SEMA3D: variants seen among roughly 807,000 people sequenced by gnomAD.
SEMA3D encodes the protein semaphorin-3D.
SEMA3D carries 84 observed loss-of-function variants against 100.1 expected under a neutral mutation model. That is an observed-to-expected ratio of 0.84 (90% confidence interval 0.70 to 1.01). The LOEUF (loss-of-function observed/expected upper bound fraction) is 1.01. SEMA3D is among the 50% of genes least tolerant of loss of function. SEMA3D has a pLI of 0.00. For missense variants in SEMA3D, 875 were observed against 934.1 expected, an observed-to-expected ratio of 0.94 and a Z score of 0.82; for synonymous variants, 312 against 320.7, an observed-to-expected ratio of 0.97 and a Z score of 0.29.
At chr7:85,227,773 A>C in the SEMA3D span, among the ~76,000 whole-genome samples, 17 of 152,220 alleles carry the variant, frequency 1.1e-4, no homozygotes, top group Non-Finnish European at 1.9e-4. Context: ...TCTGTGTACT[A>C]TTTCATTTTG....
the SEMA3D span, among the ~76,000 whole-genome samples, chr7:85,214,748 G>A: frequency 6.6e-5 from 10 of 151,956 alleles, no homozygotes; most frequent in Non-Finnish European, 1.3e-4. Context: ...CACCTTCCTC[G>A]GCCTCCCAAA....
intron 2 of SEMA3D, among the ~76,000 whole-genome samples, chr7:85,131,889 C>T (rs969165560): frequency 4.0e-5 from 6 of 151,790 alleles, no homozygotes; most frequent in Non-Finnish European, 7.4e-5. Flanking sequence ...TTAACAAACT[C>T]TTTATTAATG....
intron 1 of SEMA3D, among the ~76,000 whole-genome samples, chr7:85,165,899 AGAT>A (rs1316243592): frequency 6.6e-6 from 1 of 152,100 alleles, no homozygotes; most frequent in Non-Finnish European, 1.5e-5. Context: ...TATTCAGAGA[AGAT>A]GCTAAAAACA....
chr7:85,162,181 C>T (rs1165901648), intron 1 of SEMA3D, among the ~76,000 whole-genome samples: 3 of 151,944 alleles, frequency 2.0e-5, no homozygotes, highest in African/African-American at 7.3e-5. Context: ...GGTTTCTGAG[C>T]AGCCAAAGTC....
intron 2 of SEMA3D, among the ~76,000 whole-genome samples, chr7:85,144,019 G>C (rs1790130363): frequency 6.6e-6 from 1 of 151,804 alleles, no homozygotes; most frequent in African/African-American, 2.4e-5. Flanking sequence ...CCCGAGACTT[G>C]TAATTTTAAA....
At chr7:85,017,441 A>G (rs1790136335) in intron 15 of SEMA3D, among the ~76,000 whole-genome samples, 1 of 151,780 alleles carries the variant, frequency 6.6e-6, no homozygotes, top group African/African-American at 2.4e-5. Flanking sequence ...ATGATAAGTG[A>G]ATGAACAAAT....
chr7:85,203,955 G>A, the SEMA3D span, among the ~76,000 whole-genome samples: 3 of 151,996 alleles, frequency 2.0e-5, no homozygotes, highest in Non-Finnish European at 4.4e-5. Flanking sequence ...CATATTCCAA[G>A]GTAACAAAGA....
chr7:85,197,526 T>C, the SEMA3D span, among the ~76,000 whole-genome samples: 8 of 151,974 alleles, frequency 5.3e-5, no homozygotes, highest in Admixed American at 5.2e-4. Flanking sequence ...GTATATTTCT[T>C]AAATGAATTT....
At chr7:85,051,963 C>G (rs577855993) in intron 9 of SEMA3D, among the ~76,000 whole-genome samples, 1 of 151,998 alleles carries the variant, frequency 6.6e-6, no homozygotes, top group South Asian at 2.1e-4. Context: ...ACACTAACAT[C>G]TACATGGCGA....
chr7:85,089,648 A>G (rs1788323944), intron 4 of SEMA3D, among the ~76,000 whole-genome samples: 1 of 152,094 alleles, frequency 6.6e-6, no homozygotes, highest in African/African-American at 2.4e-5. Flanking sequence ...TGGGATTACA[A>G]GTGAGGTGGG....
At chr7:85,236,197 C>A in the SEMA3D span, among the ~76,000 whole-genome samples, 1 of 152,060 alleles carries the variant, frequency 6.6e-6, no homozygotes, top group African/African-American at 2.4e-5. Flanking sequence ...ACCTGCAACC[C>A]AAGAACTCCT....
intron 1 of SEMA3D, among the ~76,000 whole-genome samples, chr7:85,158,430 G>C (rs940275958): frequency 1.3e-5 from 2 of 152,142 alleles, no homozygotes; most frequent in African/African-American, 2.4e-5. Flanking sequence ...AGCGCTCCTA[G>C]GCTTATTAGG....
At chr7:85,030,411 T>C (rs996485945) in intron 12 of SEMA3D, among the ~76,000 whole-genome samples, 3 of 151,988 alleles carry the variant, frequency 2.0e-5, no homozygotes, top group African/African-American at 7.2e-5. Flanking sequence ...ACGTGTAAGC[T>C]TTCATCTGTA....
chr7:85,201,513 T>G, the SEMA3D span, among the ~76,000 whole-genome samples: 1 of 152,152 alleles, frequency 6.6e-6, no homozygotes, highest in Non-Finnish European at 1.5e-5. Context: ...TTTGGGATGT[T>G]TATTTTATTA....
chr7:85,115,683 A>G (rs191978484), intron 3 of SEMA3D, among the ~76,000 whole-genome samples: 77 of 152,232 alleles, frequency 5.1e-4, no homozygotes, highest in Admixed American at 8.5e-4. Flanking sequence ...GTTGTGACAA[A>G]TCTGTACACT....
Position 84,999,250 on chromosome 7 carries a change from C to A in SEMA3D, c.*190G>T, listed in dbSNP as rs544088516. Reference sequence around the variant, plus strand: ...ATACTTTGCTTGTGCAAGATTTGTTCTTGGAAAACTGGTTCAAATGAATTT... The same window carrying A: ...ATACTTTGCTTGTGCAAGATTTGTTATTGGAAAACTGGTTCAAATGAATTT... On this transcript the variant is annotated 3_prime_UTR_variant, in exon 19 of 19. Coordinates refer to ENST00000284136, the MANE Select transcript of SEMA3D (RefSeq NM_001384900.1). The A allele has an allele frequency of 1.8e-6, 1 of 567,766 alleles. No individual in the cohort carries two copies. Among genetic ancestry groups the A allele is most frequent in the African/African-American group, 1.9e-5 (1 of 53,462 alleles). The allele number at this position is 567,766 out of a possible 1,614,324, so 35.2% of individuals were successfully genotyped here. A position where few individuals can be genotyped will look rare whatever the true frequency, so the allele number is the denominator to read the frequency against.
intron 3 of SEMA3D, among the ~76,000 whole-genome samples, chr7:85,107,568 T>C (rs1788967480): frequency 6.6e-6 from 1 of 152,102 alleles, no homozygotes; most frequent in East Asian, 1.9e-4. Context: ...CTCCCAAGTG[T>C]TGCAGTTTAG....
intron 5 of SEMA3D, among the ~76,000 whole-genome samples, chr7:85,075,908 A>G (rs1187178552): frequency 1.3e-5 from 2 of 152,234 alleles, no homozygotes; most frequent in Non-Finnish European, 2.9e-5. Flanking sequence ...AGTCTCAGAA[A>G]TCCTATGTTG....
At chr7:85,185,672 TCTC>T (rs1292525900) in intron 1 of SEMA3D, among the ~76,000 whole-genome samples, 2 of 152,040 alleles carry the variant, frequency 1.3e-5, no homozygotes, top group African/African-American at 4.8e-5. Flanking sequence ...CAGCGCGGCG[TCTC>T]CTCCTCCTGT....
Sources: gnomAD v4.1 joint callset for allele counts (sites outside exome capture counted in the v4.1 genomes callset) on GRCh38, gnomAD v4.1.1 for gene constraint, MANE v1.5 for transcripts, NCBI Gene and HGNC (gene_info 2026-07-23, HGNC 2026-07-21) for gene names.